The following COPS3 variants were observed in gnomAD, a reference collection of about 807,000 sequenced individuals.
COPS3 encodes the protein COP9 signalosome complex subunit 3.
Under a neutral mutation model 58.2 loss-of-function variants are expected in COPS3, and 10 were observed. That is an observed-to-expected ratio of 0.17 (90% CI 0.11 to 0.29). COPS3 has a LOEUF of 0.29. Among genes scored for constraint, COPS3 ranks in the 10% least tolerant of loss-of-function variants. The pLI, the probability that COPS3 is intolerant of heterozygous loss-of-function variation, is 1.00. For missense variants in COPS3, 333 were observed against 510.1 expected (o/e 0.65, Z 3.34); for synonymous variants, 187 against 181.7 (o/e 1.03, Z -0.24).
chr17:17,280,497 T>G, intron 1 of COPS3: 3 of 1,116,968 alleles, frequency 2.7e-6, no homozygotes, highest in Non-Finnish European at 3.5e-6. Flanking sequence ...GAGGCTGAGG[T>G]TGCAGTGAGC....
At chr17:17,264,711 G>A (rs891443454) in intron 6 of COPS3, 91 bp downstream of exon 6, 2 of 1,058,374 alleles carry the variant, frequency 1.9e-6, no homozygotes, top group Non-Finnish European at 2.8e-6. Flanking sequence ...CGGAGGCCCT[G>A]GGATCAGACC....
At chr17:17,280,554 A>T in intron 1 of COPS3, 5 of 1,256,698 alleles carry the variant, frequency 4.0e-6, no homozygotes, top group Non-Finnish European at 4.2e-6. Flanking sequence ...AAAAACAAAG[A>T]AGAAGAAATG....
In COPS3 at chr17:17,247,154, G is replaced by A. The variant is rs376310251; in HGVS notation, c.1219-3C>T. On this transcript the variant is annotated splice_polypyrimidine_tract_variant and splice_region_variant and intron_variant, in intron 11 of 11. Coordinates refer to ENST00000268717, the MANE Select transcript of COPS3 (RefSeq NM_003653.4). ...TCATCTTCTTGTGAGCCCATACTCTGTAAAGGTAAAGTGAAGTTATGTATT... is the reference window on the plus strand; with the variant it reads ...TCATCTTCTTGTGAGCCCATACTCTATAAAGGTAAAGTGAAGTTATGTATT... The A allele has an allele frequency of 4.3e-6, 7 of 1,613,192 alleles. No individual in the cohort carries two copies. Among genetic ancestry groups the A allele is most frequent in the Middle Eastern group, 3.3e-4 (2 of 6,084 alleles).
intron 10 of COPS3, among the ~76,000 whole-genome samples, chr17:17,248,434 C>T (rs1241770036): frequency 6.6e-6 from 1 of 152,190 alleles, no homozygotes; most frequent in African/African-American, 2.4e-5. Context: ...CCTGCCTCAG[C>T]CTCCAGAGTA....
chr17:17,256,635 C>G (rs2047981568), intron 8 of COPS3, among the ~76,000 whole-genome samples: 1 of 152,020 alleles, frequency 6.6e-6, no homozygotes, highest in Non-Finnish European at 1.5e-5. Context: ...GAGTCTTGCT[C>G]TGTTGCCCAG....
intron 10 of COPS3, among the ~76,000 whole-genome samples, 200 bp downstream of exon 10, chr17:17,248,726 G>A (rs1157933071): frequency 9.9e-5 from 15 of 152,170 alleles, no homozygotes; most frequent in East Asian, 1.9e-4. Flanking sequence ...GCACAATCTC[G>A]GCTCACTGTA....
At chr17:17,255,978 G>A (rs2047966636) in intron 8 of COPS3, among the ~76,000 whole-genome samples, 1 of 150,606 alleles carries the variant, frequency 6.6e-6, no homozygotes, top group Non-Finnish European at 1.5e-5. Context: ...GACCATCCTG[G>A]CTAACGTGGT....
intron 8 of COPS3, among the ~76,000 whole-genome samples, chr17:17,258,490 C>A (rs1003999805): frequency 1.3e-5 from 2 of 152,136 alleles, no homozygotes; most frequent in Non-Finnish European, 2.9e-5. Flanking sequence ...ATTTAATTTT[C>A]ATTTGCTATT....
At chr17:17,280,756 A>G in intron 1 of COPS3, 1 of 1,250,648 alleles carries the variant, frequency 8.0e-7, no homozygotes, top group Non-Finnish European at 1.0e-6. Context: ...GGCAAAGATG[A>G]CATGGCGGTG....
chr17:17,268,866 A>G (rs912546654), intron 4 of COPS3, among the ~76,000 whole-genome samples: 2 of 147,968 alleles, frequency 1.4e-5, no homozygotes, highest in African/African-American at 2.5e-5. Flanking sequence ...ATATATATAT[A>G]TGTGAAGAGA....
At chr17:17,263,055 G>A (rs1216569024) in intron 6 of COPS3, among the ~76,000 whole-genome samples, 3 of 151,698 alleles carry the variant, frequency 2.0e-5, no homozygotes, top group South Asian at 2.1e-4. Context: ...TTGGGAGGCC[G>A]AGGCGGGCGG....
intron 9 of COPS3, among the ~76,000 whole-genome samples, chr17:17,253,724 G>A (rs145443799): frequency 9.2e-5 from 14 of 152,298 alleles, no homozygotes; most frequent in Middle Eastern, 3.4e-3. Flanking sequence ...CTTGATGTAC[G>A]TACTGGCAAA....
chr17:17,263,026 T>C (rs975654074), intron 6 of COPS3, among the ~76,000 whole-genome samples: 3 of 151,246 alleles, frequency 2.0e-5, no homozygotes, highest in African/African-American at 7.3e-5. Flanking sequence ...TGTTGGCTCA[T>C]GCCTGTAATC....
At chr17:17,255,878 A>ATAAATAAC (rs929027222) in intron 8 of COPS3, among the ~76,000 whole-genome samples, 7 of 140,228 alleles carry the variant, frequency 5.0e-5, no homozygotes, top group Admixed American at 7.2e-5. Context: ...AAATAAATAA[A>ATAAATAAC]TAACTGATAG....
intron 10 of COPS3, chr17:17,247,983 C>T (rs1555615827): frequency 1.3e-5 from 2 of 158,002 alleles, no homozygotes; most frequent in Non-Finnish European, 2.8e-5. Flanking sequence ...CTTCAGCCCC[C>T]AGAATCAGAG....
intron 1 of COPS3, chr17:17,280,833 G>A: frequency 1.6e-6 from 2 of 1,219,216 alleles, no homozygotes; most frequent in Non-Finnish European, 1.1e-6. Flanking sequence ...CCTGGCGGAA[G>A]TCACGCCCCC....
intron 9 of COPS3, among the ~76,000 whole-genome samples, chr17:17,253,350 G>T (rs932642503): frequency 6.6e-6 from 1 of 152,186 alleles, no homozygotes; most frequent in African/African-American, 2.4e-5. Flanking sequence ...TCAGAACTAT[G>T]TACTTATGTA....
chr17:17,264,087 T>C lies in COPS3; in HGVS notation c.621+715A>G, dbSNP rs534628574. On this transcript the variant is annotated intron_variant, in intron 6 of 11. Coordinates refer to ENST00000268717, the MANE Select transcript of COPS3 (RefSeq NM_003653.4). ...GACACATCAACCACTCATTGTGGTA[T>C]GGTTCAGAGCCACGGATGTGTGTAC... Among the ~76,000 whole-genome samples the C allele has an allele frequency of 1.3e-3, 203 of 152,360 alleles. 2 individuals carry two copies. Among genetic ancestry groups the C allele is most frequent in the Non-Finnish European group, 1.6e-3 (111 of 68,038 alleles).
chr17:17,256,178 C>CA (rs1230003892), intron 8 of COPS3, among the ~76,000 whole-genome samples: 254 of 146,010 alleles, frequency 1.7e-3, no homozygotes, highest in African/African-American at 5.6e-3. Context: ...GACTCTGTCA[C>CA]AAAAAAAAAT....
Sources: allele counts gnomAD v4.1 joint callset (sites outside exome capture counted in the v4.1 genomes callset), GRCh38; gene constraint gnomAD v4.1.1; transcripts MANE v1.5; gene names NCBI Gene and HGNC (gene_info 2026-07-23, HGNC 2026-07-21).